The following RIPK1 variants were observed in gnomAD, a reference collection of about 807,000 sequenced individuals.
RIPK1 encodes receptor interacting serine/threonine kinase 1.
Under a neutral mutation model 62.4 loss-of-function variants are expected in RIPK1, and 27 were observed. The observed-to-expected ratio is 0.43, with a 90% CI of 0.32 to 0.60. RIPK1 has a LOEUF of 0.60. Among genes scored for constraint, RIPK1 ranks in the 20% least tolerant of loss-of-function variants. The probability of loss-of-function intolerance (pLI) is 0.07; values close to 1 mark genes in which losing one functional copy is unlikely to be tolerated. For missense variants in RIPK1, 735 were observed against 831.0 expected (o/e 0.88, Z 1.42); for synonymous variants, 287 against 303.2 (o/e 0.95, Z 0.55).
intron 1 of RIPK1, among the ~76,000 whole-genome samples, chr6:3,074,871 G>T (rs1338055212): frequency 1.3e-5 from 2 of 152,046 alleles, no homozygotes; most frequent in Non-Finnish European, 2.9e-5. Context: ...TAGTAGAGAC[G>T]GGGTTTCACC....
chr6:3,086,443 T>G (rs928201010), intron 6 of RIPK1, among the ~76,000 whole-genome samples: 7 of 152,226 alleles, frequency 4.6e-5, no homozygotes, highest in Non-Finnish European at 8.8e-5. Flanking sequence ...CTCACCAGCA[T>G]GGGGTACCCA....
At chr6:3,067,581 T>A (rs1397746092), upstream of RIPK1, among the ~76,000 whole-genome samples, 3 of 145,390 alleles carry the variant, frequency 2.1e-5, no homozygotes, top group Non-Finnish European at 4.6e-5. Context: ...ATTTTCATAT[T>A]GTTGCATTTT....
intron 6 of RIPK1, among the ~76,000 whole-genome samples, chr6:3,085,725 C>T (rs1759652306): frequency 6.6e-6 from 1 of 152,190 alleles, no homozygotes; most frequent in Admixed American, 6.5e-5. Flanking sequence ...AGTACAGTCC[C>T]ATAGTACATT....
chr6:3,064,233 A>T (rs1393496948), upstream of RIPK1, among the ~76,000 whole-genome samples: 32 of 151,976 alleles, frequency 2.1e-4, no homozygotes, highest in African/African-American at 7.3e-4. Context: ...GGTCCCCTGC[A>T]GCGCGCAGCC....
At chr6:3,101,282 A>G (rs1581426467) in intron 7 of RIPK1, among the ~76,000 whole-genome samples, 2 of 152,164 alleles carry the variant, frequency 1.3e-5, no homozygotes, top group Admixed American at 1.3e-4. Flanking sequence ...AACCCTTTTC[A>G]TGTTAATTAA....
chr6:3,085,198 G>A, intron 5 of RIPK1, 61 bp from the exon 6 acceptor site: 2 of 1,596,642 alleles, frequency 1.3e-6, no homozygotes, highest in South Asian at 1.1e-5. Flanking sequence ...TATTGTTCAA[G>A]TTCTGTCACC....
intron 1 of RIPK1, among the ~76,000 whole-genome samples, chr6:3,069,457 CG>C (rs1414037153): frequency 7.1e-6 from 1 of 141,754 alleles, no homozygotes; most frequent in African/African-American, 2.6e-5. Flanking sequence ...CACAGGGATG[CG>C]GGGGTTGCGG....
At position 3,101,786 on chromosome 6, in the gene RIPK1, AAT is replaced by A. The variant is rs145760280; in HGVS notation, c.916-2435_916-2434del. On this transcript the variant is annotated intron_variant, in intron 7 of 10. Coordinates refer to ENST00000259808, the MANE Select transcript of RIPK1 (RefSeq NM_001354930.2). ...AGGAAAAAGTTTTTTACTGTGGCAAAATATACTTAACATAAAATTCTCTATTT... is the reference window on the plus strand; with the variant it reads ...AGGAAAAAGTTTTTTACTGTGGCAAAATACTTAACATAAAATTCTCTATTT... Among the ~76,000 whole-genome samples, 804 of 152,334 alleles carry A rather than the reference AAT, an allele frequency of 5.3e-3. 7 individuals are homozygous for A. Among genetic ancestry groups the A allele is most frequent in the African/African-American group, 0.019 (787 of 41,564 alleles).
intron 3 of RIPK1, 128 bp downstream of exon 3, chr6:3,078,063 T>G: frequency 1.1e-6 from 1 of 872,756 alleles, no homozygotes; most frequent in Non-Finnish European, 1.7e-6. Flanking sequence ...AGTTTGAATT[T>G]TCTTTTCCTT....
intron 7 of RIPK1, among the ~76,000 whole-genome samples, chr6:3,097,192 T>C (rs1760361702): frequency 6.6e-6 from 1 of 152,110 alleles, no homozygotes; most frequent in African/African-American, 2.4e-5. Context: ...CTTTTAGTTT[T>C]GTGTGTGTGT....
chr6:3,064,617 A>C (rs965814621), upstream of RIPK1, among the ~76,000 whole-genome samples: 28 of 152,192 alleles, frequency 1.8e-4, no homozygotes, highest in African/African-American at 5.5e-4. Flanking sequence ...AAGATGAGGA[A>C]TCACTTTCGG....
intron 7 of RIPK1, among the ~76,000 whole-genome samples, chr6:3,094,956 G>A (rs1253593606): frequency 6.6e-6 from 1 of 152,066 alleles, no homozygotes; most frequent in Non-Finnish European, 1.5e-5. Flanking sequence ...TCCCATGAAG[G>A]CTGAGATGGG....
intron 1 of RIPK1, among the ~76,000 whole-genome samples, chr6:3,074,641 T>C (rs1388150306): frequency 1.3e-5 from 2 of 152,218 alleles, no homozygotes; most frequent in East Asian, 1.9e-4. Context: ...GTATTTTTCA[T>C]GGTCTGTATC....
chr6:3,107,751 G>C (rs1022113279), intron 9 of RIPK1, among the ~76,000 whole-genome samples: 1 of 151,610 alleles, frequency 6.6e-6, no homozygotes, highest in South Asian at 2.1e-4. Flanking sequence ...TTTTCTACAT[G>C]AGCAACCCAA....
chr6:3,066,161 C>T (rs1347065679), upstream of RIPK1, among the ~76,000 whole-genome samples: 1 of 152,130 alleles, frequency 6.6e-6, no homozygotes, highest in African/African-American at 2.4e-5. Flanking sequence ...GTAGCTGGGT[C>T]TACAGGCATG....
upstream of RIPK1, among the ~76,000 whole-genome samples, chr6:3,067,073 T>TTG (rs1561738445): frequency 4.7e-5 from 7 of 149,856 alleles, no homozygotes; most frequent in Non-Finnish European, 8.9e-5. Flanking sequence ...TTTTTTTTTT[T>TTG]TGTGGCTTCA....
At chr6:3,065,205 T>C (rs1329796978), upstream of RIPK1, among the ~76,000 whole-genome samples, 7 of 134,324 alleles carry the variant, frequency 5.2e-5, no homozygotes, top group South Asian at 6.7e-4. Context: ...TGCAGTGAGC[T>C]GAGATCGCGC....
At chr6:3,087,920 A>G (rs548991045) in intron 6 of RIPK1, among the ~76,000 whole-genome samples, 1 of 151,986 alleles carries the variant, frequency 6.6e-6, no homozygotes, top group Non-Finnish European at 1.5e-5. Flanking sequence ...GAGACTTTCT[A>G]TTTTTCATTT....
At chr6:3,080,615 C>T (rs1373240012) in intron 3 of RIPK1, among the ~76,000 whole-genome samples, 1 of 152,110 alleles carries the variant, frequency 6.6e-6, no homozygotes, top group Admixed American at 6.6e-5. Flanking sequence ...ACTGCTTGCT[C>T]GTATATTTAT....
Sources: allele counts gnomAD v4.1 joint callset (sites outside exome capture counted in the v4.1 genomes callset), GRCh38; gene constraint gnomAD v4.1.1; transcripts MANE v1.5; gene names NCBI Gene and HGNC (gene_info 2026-07-23, HGNC 2026-07-21).